FGF12: variants seen among roughly 807,000 people sequenced by gnomAD.
FGF12 encodes fibroblast growth factor 12.
In FGF12, 14 loss-of-function variants were observed where a neutral mutation model predicts 23.6. That is an observed-to-expected ratio of 0.59 (90% CI 0.39 to 0.93). FGF12 has a LOEUF of 0.93. Among genes scored for constraint, FGF12 ranks in the 40% least tolerant of loss-of-function variants. The probability of loss-of-function intolerance (pLI) is 0.00; values close to 1 mark genes in which losing one functional copy is unlikely to be tolerated. For synonymous variants in FGF12, 62 were observed against 77.3 expected (o/e 0.80, Z 1.04); for missense variants, 175 against 217.8 (o/e 0.80, Z 1.24).
intron 2 of FGF12, among the ~76,000 whole-genome samples, chr3:192,377,340 A>G (rs1390965520): frequency 1.3e-5 from 2 of 152,120 alleles, no homozygotes; most frequent in Non-Finnish European, 2.9e-5. Flanking sequence ...GAAGTACAGA[A>G]ACTCAGTTCC....
At chr3:192,198,689 AT>A (rs1717206989) in intron 4 of FGF12, among the ~76,000 whole-genome samples, 1 of 152,178 alleles carries the variant, frequency 6.6e-6, no homozygotes, top group South Asian at 2.1e-4. Context: ...AATTCCTGAA[AT>A]TTGTAATTAC....
At chr3:192,676,023 A>G (rs1342761502) in intron 2 of FGF12, among the ~76,000 whole-genome samples, 1 of 152,218 alleles carries the variant, frequency 6.6e-6, no homozygotes. Flanking sequence ...CGCTTTTGAC[A>G]AAGCCTGTCC....
At chr3:192,624,917 T>C (rs1273015512) in intron 2 of FGF12, among the ~76,000 whole-genome samples, 2 of 152,132 alleles carry the variant, frequency 1.3e-5, no homozygotes, top group African/African-American at 2.4e-5. Context: ...AGAGATACTT[T>C]ATGAAAACAT....
chr3:192,300,551 G>A (rs376561486), intron 4 of FGF12, among the ~76,000 whole-genome samples: 4 of 151,658 alleles, frequency 2.6e-5, no homozygotes, highest in East Asian at 3.9e-4. Flanking sequence ...TCTTGGGGGC[G>A]GTCATGAGAA....
chr3:192,687,582 G>A (rs912789205), intron 2 of FGF12, among the ~76,000 whole-genome samples: 4 of 152,108 alleles, frequency 2.6e-5, no homozygotes, highest in Admixed American at 6.5e-5. Flanking sequence ...CTCCGGCCCA[G>A]GGGCCCAGCC....
chr3:192,637,650 C>T (rs765983875), intron 2 of FGF12, among the ~76,000 whole-genome samples: 9 of 151,996 alleles, frequency 5.9e-5, no homozygotes, highest in Admixed American at 3.3e-4. Flanking sequence ...GATTATAGGA[C>T]GCCAGAACTG....
chr3:192,445,223 C>CT (rs930624519), intron 2 of FGF12, among the ~76,000 whole-genome samples: 2 of 152,170 alleles, frequency 1.3e-5, no homozygotes, highest in Non-Finnish European at 2.9e-5. Context: ...ATAACCTATA[C>CT]TTTTTTGTTG....
chr3:192,356,770 A>T (rs550412925), intron 3 of FGF12, among the ~76,000 whole-genome samples: 1 of 152,302 alleles, frequency 6.6e-6, no homozygotes, highest in East Asian at 1.9e-4. Flanking sequence ...TTTTTCAAAC[A>T]ATCAACTGCT....
chr3:192,288,354 C>A (rs1333937044), intron 4 of FGF12, among the ~76,000 whole-genome samples: 1 of 152,036 alleles, frequency 6.6e-6, no homozygotes, highest in Non-Finnish European at 1.5e-5. Context: ...ATTACATAAA[C>A]CATCTAGGTA....
chr3:192,312,954 TTAAAA>T, intron 4 of FGF12, among the ~76,000 whole-genome samples: 1 of 152,288 alleles, frequency 6.6e-6, no homozygotes, highest in East Asian at 1.9e-4. Flanking sequence ...GGTGAACAAA[TTAAAA>T]TGAATGAATT....
chr3:192,639,683 T>C (rs1415199571), intron 2 of FGF12, among the ~76,000 whole-genome samples: 1 of 152,234 alleles, frequency 6.6e-6, no homozygotes, highest in Non-Finnish European at 1.5e-5. Flanking sequence ...GTACTGAACA[T>C]GTACAGGCTT....
chr3:192,285,197 G>C (rs1355327668), intron 4 of FGF12, among the ~76,000 whole-genome samples: 1 of 152,014 alleles, frequency 6.6e-6, no homozygotes, highest in Non-Finnish European at 1.5e-5. Context: ...ACCCTTAGTA[G>C]TTGATAAGCA....
chr3:192,352,044 C>CT (rs67660525), intron 3 of FGF12, among the ~76,000 whole-genome samples: 21 of 149,784 alleles, frequency 1.4e-4, no homozygotes, highest in South Asian at 8.5e-4. Context: ...ATATTTTTTT[C>CT]TTTTTTTTTT....
At position 192,360,609 on chromosome 3, in the gene FGF12, C is replaced by T. The variant is rs1718674875; in HGVS notation, c.14-71G>A. 1 of 1,042,084 alleles carries T rather than the reference C, an allele frequency of 9.6e-7. No homozygotes were observed. The highest frequency in any genetic ancestry group is 1.5e-6 in the Non-Finnish European group (1 of 663,914). The allele number at this position is 1,042,084 out of a possible 1,614,324, so 64.6% of individuals were successfully genotyped here. A position where few individuals can be genotyped will look rare whatever the true frequency, so the allele number is the denominator to read the frequency against. ...ATGCACACTTACAGATTGTTAAAAA[C>T]ATCCTGTAAGTAAATACGTAAATGC... On this transcript the variant is annotated intron_variant, in intron 2 of 5. Transcript: ENST00000445105. The surrounding 1 kb of genome is among the most constrained non-coding windows in gnomAD (Gnocchi z 4.3).
At chr3:192,303,957 T>A (rs1715480610) in intron 4 of FGF12, among the ~76,000 whole-genome samples, 1 of 152,214 alleles carries the variant, frequency 6.6e-6, no homozygotes. Context: ...TCAGCTCCCA[T>A]CTGGGTAATC....
intron 2 of FGF12, among the ~76,000 whole-genome samples, chr3:192,412,739 G>C (rs191434462): frequency 6.6e-6 from 1 of 152,138 alleles, no homozygotes; most frequent in African/African-American, 2.4e-5. Context: ...ATAGAAATTC[G>C]TAGGTTTCCT....
At chr3:192,379,314 C>A (rs1342472899) in intron 2 of FGF12, among the ~76,000 whole-genome samples, 1 of 150,086 alleles carries the variant, frequency 6.7e-6, no homozygotes, top group African/African-American at 2.5e-5. Context: ...CAAATAAAAT[C>A]ATGTATTCTG....
intron 4 of FGF12, among the ~76,000 whole-genome samples, chr3:192,324,460 CACTG>C (rs1279436124): frequency 1.3e-5 from 2 of 152,206 alleles, no homozygotes; most frequent in Non-Finnish European, 2.9e-5. Context: ...TTATGGCTAA[CACTG>C]AGTGTTGAGT....
chr3:192,598,926 G>A (rs968246746), intron 2 of FGF12, among the ~76,000 whole-genome samples: 1 of 152,090 alleles, frequency 6.6e-6, no homozygotes, highest in African/African-American at 2.4e-5. Flanking sequence ...GGAATACTAT[G>A]CAGCCATAAA....
Sources: allele counts gnomAD v4.1 joint callset (sites outside exome capture counted in the v4.1 genomes callset), GRCh38; gene constraint gnomAD v4.1.1; non-coding constraint Gnocchi (gnomAD v3.1); transcripts MANE v1.5; gene names NCBI Gene and HGNC (gene_info 2026-07-23, HGNC 2026-07-21).